GABRB1: variants seen among roughly 807,000 people sequenced by gnomAD.
GABRB1 encodes gamma-aminobutyric acid receptor subunit beta-1.
In GABRB1, 17 loss-of-function variants were observed where a neutral mutation model predicts 51.6. That is an observed-to-expected ratio of 0.33 (90% CI 0.23 to 0.49). GABRB1 has a LOEUF of 0.49. Ranked by LOEUF, GABRB1 falls within the 20% of genes least tolerant of loss-of-function variation. The pLI is 0.99. For synonymous variants in GABRB1, 247 were observed against 218.9 expected, an observed-to-expected ratio of 1.13 and a Z score of -1.14; for missense variants, 410 against 600.6, an observed-to-expected ratio of 0.68 and a Z score of 3.32.
intron 3 of GABRB1, among the ~76,000 whole-genome samples, chr4:47,113,414 G>A (rs993251597): frequency 5.3e-5 from 8 of 149,692 alleles, no homozygotes; most frequent in Admixed American, 2.0e-4. Flanking sequence ...ATCATTTAAC[G>A]TTGAGTACAT....
At chr4:47,190,817 C>T (rs1186054350) in intron 4 of GABRB1, among the ~76,000 whole-genome samples, 1 of 152,094 alleles carries the variant, frequency 6.6e-6, no homozygotes, top group Non-Finnish European at 1.5e-5. Flanking sequence ...TCGTAGGGAG[C>T]ACAGTTGAGT....
At chr4:47,420,716 T>C (rs1303012419) in intron 8 of GABRB1, among the ~76,000 whole-genome samples, 3 of 152,168 alleles carry the variant, frequency 2.0e-5, no homozygotes, top group Non-Finnish European at 2.9e-5. Flanking sequence ...GAAAGCTGTG[T>C]CAGCTTCAGA....
At chr4:47,002,816 G>T (rs1358107502) in intron 1 of GABRB1, among the ~76,000 whole-genome samples, 2 of 152,144 alleles carry the variant, frequency 1.3e-5, no homozygotes, top group African/African-American at 4.8e-5. Context: ...CCATCTGGTG[G>T]CTACTGCATG....
chr4:47,409,894 G>A (rs1487643177), intron 8 of GABRB1, among the ~76,000 whole-genome samples: 4 of 152,212 alleles, frequency 2.6e-5, no homozygotes, highest in African/African-American at 9.7e-5. Flanking sequence ...ATAAAGGCAG[G>A]AGGAAAGCCT....
chr4:47,351,681 T>G (rs1726343988), intron 5 of GABRB1, among the ~76,000 whole-genome samples: 1 of 150,766 alleles, frequency 6.6e-6, no homozygotes, highest in Non-Finnish European at 1.5e-5. Flanking sequence ...GTCCTTGCGA[T>G]AGTTTACTGA....
intron 3 of GABRB1, among the ~76,000 whole-genome samples, chr4:47,124,179 G>A (rs1178769339): frequency 1.3e-5 from 2 of 151,536 alleles, no homozygotes; most frequent in Admixed American, 6.6e-5. Flanking sequence ...AAATTTATGA[G>A]AGAAACCTCA....
chr4:47,238,901 T>C (rs2109845488), intron 4 of GABRB1, among the ~76,000 whole-genome samples: 1 of 152,294 alleles, frequency 6.6e-6, no homozygotes, highest in South Asian at 2.1e-4. Flanking sequence ...AGCTAAAGGA[T>C]GAAACATTAA....
At chr4:47,017,673 C>T (rs1338832216) in intron 1 of GABRB1, among the ~76,000 whole-genome samples, 1 of 152,008 alleles carries the variant, frequency 6.6e-6, no homozygotes, top group East Asian at 1.9e-4. Flanking sequence ...TCTAGTTTTA[C>T]CACTGAATCT....
chr4:47,150,217 GCA>G (rs1577953317), intron 3 of GABRB1, among the ~76,000 whole-genome samples: 2 of 75,596 alleles, frequency 2.6e-5, no homozygotes, highest in Admixed American at 1.4e-4. Context: ...ACACACACAC[GCA>G]CACAGTTATT....
intron 4 of GABRB1, among the ~76,000 whole-genome samples, chr4:47,194,174 T>A (rs1719553157): frequency 6.6e-6 from 1 of 152,202 alleles, no homozygotes; most frequent in Non-Finnish European, 1.5e-5. Flanking sequence ...AAGTAGGACA[T>A]AAGTTCAACG....
chr4:47,395,291 G>A (rs1293786044), intron 5 of GABRB1, among the ~76,000 whole-genome samples: 1 of 152,182 alleles, frequency 6.6e-6, no homozygotes, highest in East Asian at 1.9e-4. Context: ...CATGGCAGAA[G>A]GTGAAGGGGT....
chr4:47,000,895 C>G (rs1724158293), intron 1 of GABRB1, among the ~76,000 whole-genome samples: 1 of 152,150 alleles, frequency 6.6e-6, no homozygotes, highest in South Asian at 2.1e-4. Context: ...GAGCAGGTAA[C>G]AGGGTCAAAC....
intron 4 of GABRB1, among the ~76,000 whole-genome samples, chr4:47,271,439 C>T (rs1244707087): frequency 6.6e-6 from 1 of 152,168 alleles, no homozygotes; most frequent in Non-Finnish European, 1.5e-5. Context: ...CCTACCTCAT[C>T]TGCGCATTTG....
intron 3 of GABRB1, among the ~76,000 whole-genome samples, chr4:47,130,343 G>C (rs1368683344): frequency 1.9e-4 from 27 of 141,478 alleles, no homozygotes; most frequent in African/African-American, 6.6e-4. Context: ...GTGTGTGTGT[G>C]TGTGTGTGTG....
intron 3 of GABRB1, among the ~76,000 whole-genome samples, chr4:47,094,133 T>C (rs1199953903): frequency 6.6e-6 from 1 of 151,592 alleles, no homozygotes; most frequent in African/African-American, 2.4e-5. Context: ...CCTTTGGCTA[T>C]GATTGGAAAA....
chr4:47,260,568 T>C (rs1274134913), intron 4 of GABRB1, among the ~76,000 whole-genome samples: 1 of 152,174 alleles, frequency 6.6e-6, no homozygotes, highest in Non-Finnish European at 1.5e-5. Context: ...AAGTATTTTA[T>C]TTCTCCTTCA....
At chr4:47,006,327 C>T (rs550784773) in intron 1 of GABRB1, among the ~76,000 whole-genome samples, 1 of 151,944 alleles carries the variant, frequency 6.6e-6, no homozygotes, top group Non-Finnish European at 1.5e-5. Flanking sequence ...TAAAATAATA[C>T]TATACATATA....
intron 8 of GABRB1, among the ~76,000 whole-genome samples, chr4:47,421,578 T>C (rs4591574): frequency 0.48 from 73,456 of 151,824 alleles, 19,901 homozygotes; most frequent in African/African-American, 0.73. Flanking sequence ...AGATAAGGGA[T>C]CTGAGACCCA....
chr4:47,139,834 G>T (rs966243947), intron 3 of GABRB1, among the ~76,000 whole-genome samples: 1 of 151,880 alleles, frequency 6.6e-6, no homozygotes, highest in Non-Finnish European at 1.5e-5. Flanking sequence ...TTTCCAACAA[G>T]CTCCGACGTT....
Sources: allele counts gnomAD v4.1 joint callset (sites outside exome capture counted in the v4.1 genomes callset), GRCh38; gene constraint gnomAD v4.1.1; transcripts MANE v1.5; gene names NCBI Gene and HGNC (gene_info 2026-07-23, HGNC 2026-07-21).